Variants in JPH1 observed in about 807,000 individuals in gnomAD.
The protein encoded by JPH1 is junctophilin-1.
A neutral mutation model predicts 53.6 loss-of-function variants in JPH1; 12 were observed. That is an observed-to-expected ratio of 0.22 (90% CI 0.14 to 0.36). JPH1 has a LOEUF of 0.36. Ranked by LOEUF, JPH1 falls within the 10% of genes least tolerant of loss-of-function variation. The pLI is 1.00. For missense variants in JPH1, 808 were observed against 905.5 expected (o/e 0.89, Z 1.38); for synonymous variants, 375 against 363.8 (o/e 1.03, Z -0.35).
chr8:74,248,686 A>G (rs2131380989), intron 3 of JPH1, among the ~76,000 whole-genome samples: 1 of 152,348 alleles, frequency 6.6e-6, no homozygotes, highest in South Asian at 2.1e-4. Flanking sequence ...TTCCAGAGGA[A>G]GATTAAATGC....
intron 3 of JPH1, among the ~76,000 whole-genome samples, chr8:74,256,641 C>A (rs933655377): frequency 1.3e-4 from 19 of 151,800 alleles, no homozygotes; most frequent in Admixed American, 8.5e-4. Flanking sequence ...TTTATGCAGC[C>A]AAAAGACACA....
At chr8:74,238,246 C>A (rs1277043829) in intron 4 of JPH1, among the ~76,000 whole-genome samples, 1 of 152,190 alleles carries the variant, frequency 6.6e-6, no homozygotes, top group Non-Finnish European at 1.5e-5. Flanking sequence ...TAAGACTACA[C>A]TGAAACAATG....
At chr8:74,258,101 T>C (rs140501221) in intron 3 of JPH1, among the ~76,000 whole-genome samples, 1 of 152,298 alleles carries the variant, frequency 6.6e-6, no homozygotes, top group East Asian at 1.9e-4. Flanking sequence ...TGATACCCTG[T>C]GGGTTCCGAC....
intron 2 of JPH1, among the ~76,000 whole-genome samples, chr8:74,262,332 C>T (rs1236053743): frequency 6.6e-6 from 1 of 152,182 alleles, no homozygotes; most frequent in Non-Finnish European, 1.5e-5. Context: ...CATGTGATCA[C>T]ATCCCAGGCT....
chr8:74,315,974 A>G lies in JPH1; in HGVS notation c.380-354T>C, dbSNP rs1808146318. Among the ~76,000 whole-genome samples the G allele has an allele frequency of 6.6e-6, 1 of 152,240 alleles. No individual in the cohort carries two copies. Among genetic ancestry groups the G allele is most frequent in the Admixed American group, 6.5e-5 (1 of 15,290 alleles). ...CAAAAATTCCTCTTGGGAAGAAGAC[A>G]AGGAAACAGTAGAAGATGAAATGAA... is the stretch of plus-strand genomic sequence containing the variant. On this transcript the variant is annotated intron_variant, in intron 1 of 5. Transcript: ENST00000342232. This position sits in a 1 kb window ranked among gnomAD's most constrained non-coding sequence, Gnocchi z 6.3.
At chr8:74,293,294 A>T (rs997107690) in intron 2 of JPH1, among the ~76,000 whole-genome samples, 3 of 152,174 alleles carry the variant, frequency 2.0e-5, no homozygotes, top group Non-Finnish European at 4.4e-5. Context: ...CAGGAAAACA[A>T]ATTCACCAAA....
intron 2 of JPH1, among the ~76,000 whole-genome samples, chr8:74,296,722 C>T (rs1046775575): frequency 1.3e-5 from 2 of 152,192 alleles, no homozygotes; most frequent in African/African-American, 2.4e-5. Flanking sequence ...AGAAATCCCT[C>T]TTCCCTTTCT....
rs950455760 is a variant in JPH1 at position 74,320,832 on chromosome 8, C to A, written c.379+77G>T. The A allele has an allele frequency of 5.0e-6, 7 of 1,409,916 alleles. No individual in the cohort carries two copies. The African/African-American group carries it at 7.5e-5, about 15-fold the overall frequency. The allele number at this position is 1,409,916 out of a possible 1,614,324, so 87.3% of individuals were successfully genotyped here. On this transcript the variant is annotated intron_variant, in intron 1 of 5. Coordinates refer to ENST00000342232, the MANE Select transcript of JPH1 (RefSeq NM_020647.4). The surrounding 1 kb of genome is among the most constrained non-coding windows in gnomAD (Gnocchi z 4.4). ...TCCGGACACGTGCGCCCGGCGTCCT[C>A]CCCGCTTCCCCGCAGCCGGGGCAGA...
intron 2 of JPH1, among the ~76,000 whole-genome samples, chr8:74,284,831 T>C (rs1807115332): frequency 6.7e-6 from 1 of 148,794 alleles, no homozygotes; most frequent in Admixed American, 6.7e-5. Context: ...CTTTCTTTCT[T>C]TTTTTTTTTT....
chr8:74,300,188 AG>A (rs971853386), intron 2 of JPH1, among the ~76,000 whole-genome samples: 6 of 152,026 alleles, frequency 3.9e-5, no homozygotes, highest in African/African-American at 1.5e-4. Flanking sequence ...GCCAAGTAAA[AG>A]TCTTTGGAAC....
At position 74,320,597 on chromosome 8, in the gene JPH1, C is replaced by G. The variant is rs1003356239; in HGVS notation, c.379+312G>C. On this transcript the variant is annotated intron_variant, in intron 1 of 5. Coordinates refer to ENST00000342232, the MANE Select transcript of JPH1 (RefSeq NM_020647.4). The surrounding 1 kb of genome is among the most constrained non-coding windows in gnomAD (Gnocchi z 4.4). The stretch of plus-strand genomic sequence containing the variant: ...ACAGCGTCCTCTCTCCAGCCCAACC[C>G]TCCCGGGCGGCGCTCCCTCCCGGTG... Among the ~76,000 whole-genome samples the G allele has an allele frequency of 2.0e-5, 3 of 152,170 alleles. No individual in the cohort carries two copies. The highest frequency in any genetic ancestry group is 4.8e-5 in the African/African-American group (2 of 41,450).
chr8:74,305,251 A>G (rs1346812958), intron 2 of JPH1, among the ~76,000 whole-genome samples: 1 of 152,210 alleles, frequency 6.6e-6, no homozygotes, highest in African/African-American at 2.4e-5. Flanking sequence ...TCCATAATGG[A>G]AAGTTGTGAG....
At chr8:74,252,672 T>G (rs1205882820) in intron 3 of JPH1, among the ~76,000 whole-genome samples, 1 of 151,932 alleles carries the variant, frequency 6.6e-6, no homozygotes, top group Non-Finnish European at 1.5e-5. Flanking sequence ...GAGACACACA[T>G]AGGCTCAAAA....
chr8:74,272,886 G>A (rs1806746525), intron 2 of JPH1, among the ~76,000 whole-genome samples: 1 of 152,062 alleles, frequency 6.6e-6, no homozygotes, highest in Non-Finnish European at 1.5e-5. Flanking sequence ...TTACAGGCGT[G>A]AGCCACCGCG....
At chr8:74,283,986 C>A (rs544627909) in intron 2 of JPH1, among the ~76,000 whole-genome samples, 1 of 152,260 alleles carries the variant, frequency 6.6e-6, no homozygotes, top group African/African-American at 2.4e-5. Flanking sequence ...ACATTCCTCC[C>A]CTCCACCCAG....
chr8:74,260,743 G>T (rs1388948777), intron 2 of JPH1, among the ~76,000 whole-genome samples: 1 of 152,006 alleles, frequency 6.6e-6, no homozygotes, highest in Non-Finnish European at 1.5e-5. Context: ...GAGACAAGGG[G>T]GTCTACTGGT....
intron 3 of JPH1, among the ~76,000 whole-genome samples, chr8:74,247,807 A>G (rs1175378550): frequency 1.3e-5 from 2 of 152,222 alleles, no homozygotes; most frequent in Non-Finnish European, 2.9e-5. Context: ...GCTTGATTTA[A>G]TCATTCCATA....
chr8:74,315,029 C>T lies in JPH1; in HGVS notation c.971G>A (p.Gly324Asp). ...HGYGCTVFPD[G>D]SKEEGKYKNN... The stretch of plus-strand genomic sequence containing the variant: ...TTTGTATTTTCCCTCTTCTTTGGAG[C>T]CGTCAGGAAACACGGTACAGCCATA... Residue 324 changes from glycine (G) to aspartate (D), a missense_variant, in exon 2 of 6, where the codon GGC becomes GAC. By Grantham distance (94) the Gly-to-Asp change is moderately conservative (BLOSUM62 -1). This residue lies in a region of JPH1 where 756 missense variants were observed against 811.9 expected (regional missense o/e 0.93). Coordinates refer to ENST00000342232, the MANE Select transcript of JPH1 (RefSeq NM_020647.4). This position sits in a 1 kb window ranked among gnomAD's most constrained non-coding sequence, Gnocchi z 6.3. 6.2e-7 allele frequency: 1 copy of T among 1,614,220 alleles called. No individual in the cohort carries two copies. The highest frequency in any genetic ancestry group is 8.5e-7 in the Non-Finnish European group (1 of 1,180,044).
chr8:74,319,012 G>A (rs933317207), intron 1 of JPH1, among the ~76,000 whole-genome samples: 2 of 151,576 alleles, frequency 1.3e-5, no homozygotes, highest in African/African-American at 4.9e-5. Context: ...TTTGGTAGAA[G>A]AAGAAAACCA....
Sources: allele counts gnomAD v4.1 joint callset (sites outside exome capture counted in the v4.1 genomes callset), GRCh38; gene constraint gnomAD v4.1.1; regional missense constraint gnomAD v4.1.1; non-coding constraint Gnocchi (gnomAD v3.1); transcripts MANE v1.5; gene names NCBI Gene and HGNC (gene_info 2026-07-23, HGNC 2026-07-21).